RALYL: variants seen among roughly 807,000 people sequenced by gnomAD.
The protein encoded by RALYL is RALY RNA binding protein like, also known as RNA-binding Raly-like protein.
RALYL carries 29 observed loss-of-function variants against 35.1 expected under a neutral mutation model. The observed-to-expected ratio is 0.83, with a 90% CI of 0.61 to 1.13. The LOEUF is 1.13. Among genes scored for constraint, RALYL ranks in the 50% most tolerant of loss-of-function variants. RALYL has a pLI of 0.00. For synonymous variants in RALYL, 120 were observed against 127.6 expected (o/e 0.94, Z 0.40); for missense variants, 359 against 360.4 (o/e 1.00, Z 0.03).
chr8:84,255,264 T>C (rs765680220), intron 1 of RALYL, among the ~76,000 whole-genome samples: 2 of 152,104 alleles, frequency 1.3e-5, no homozygotes, highest in Non-Finnish European at 2.9e-5. Context: ...TTTCTTATAG[T>C]AAGAGTTACC....
In RALYL at chr8:84,383,933, T is replaced by C. The variant is rs186353150; in HGVS notation, c.-23-145366T>C. 9.2e-5 allele frequency among the ~76,000 whole-genome samples: 14 copies of C among 151,846 alleles called. No individual in the cohort carries two copies. In the East Asian group the frequency reaches 9.7e-4, roughly 11 times the overall value. On this transcript the variant is annotated intron_variant, in intron 1 of 8. Transcript: ENST00000521268. ...GAGATGATAGCCAGCCAGATACTTATATGAAAATATCTAAAAGGATAAAGA... is the reference window on the plus strand; with the variant it reads ...GAGATGATAGCCAGCCAGATACTTACATGAAAATATCTAAAAGGATAAAGA...
intron 1 of RALYL, among the ~76,000 whole-genome samples, chr8:84,348,777 A>G (rs1850322902): frequency 6.6e-6 from 1 of 151,204 alleles, no homozygotes; most frequent in South Asian, 2.1e-4. Flanking sequence ...TGTGAGGGAA[A>G]AGGATTATGG....
At chr8:84,751,790 C>T (rs1353972353) in intron 2 of RALYL, among the ~76,000 whole-genome samples, 1 of 152,160 alleles carries the variant, frequency 6.6e-6, no homozygotes, top group Non-Finnish European at 1.5e-5. Flanking sequence ...CCTGAGGCCT[C>T]CCAAGAAGCA....
intron 1 of RALYL, among the ~76,000 whole-genome samples, chr8:84,309,055 G>T (rs888784589): frequency 1.3e-5 from 2 of 151,540 alleles, no homozygotes; most frequent in African/African-American, 2.4e-5. Flanking sequence ...TACTAAATTT[G>T]CATGCAAGCA....
chr8:84,710,171 C>T (rs1367780431), intron 2 of RALYL, among the ~76,000 whole-genome samples: 1 of 152,154 alleles, frequency 6.6e-6, no homozygotes, highest in Non-Finnish European at 1.5e-5. Flanking sequence ...ATGGCCTTCA[C>T]CTGCACCTTC....
intron 7 of RALYL, among the ~76,000 whole-genome samples, chr8:84,880,966 T>A (rs1347663707): frequency 1.3e-5 from 2 of 151,948 alleles, no homozygotes; most frequent in Non-Finnish European, 2.9e-5. Flanking sequence ...TAAAACCTAT[T>A]AAATGGTTTT....
At chr8:84,492,762 G>C (rs757755642) in intron 1 of RALYL, among the ~76,000 whole-genome samples, 2 of 147,452 alleles carry the variant, frequency 1.4e-5, no homozygotes, top group Non-Finnish European at 1.5e-5. Flanking sequence ...TCTTTCAAAA[G>C]GTATTACATA....
chr8:84,869,059 C>T lies in RALYL; in HGVS notation c.572-4225C>T, dbSNP rs547519843. Among the ~76,000 whole-genome samples, 29 of 151,880 alleles carry T rather than the reference C, an allele frequency of 1.9e-4. No homozygotes were observed. In the East Asian group the frequency reaches 5.6e-3, roughly 29 times the overall value. ...GGGACAGATGGGAGCAGAGCGGAGG[C>T]GTTGAAGTGATCATGATAAAGAGTT... On this transcript the variant is annotated intron_variant, in intron 6 of 8. Transcript: ENST00000521268.
At chr8:84,832,661 C>T (rs745759831) in intron 4 of RALYL, among the ~76,000 whole-genome samples, 48 of 152,070 alleles carry the variant, frequency 3.2e-4, no homozygotes, top group Non-Finnish European at 5.1e-4. Flanking sequence ...CTAAATGTTA[C>T]ATTTTAACAA....
intron 1 of RALYL, among the ~76,000 whole-genome samples, chr8:84,312,903 T>C (rs1176288732): frequency 1.3e-5 from 2 of 152,202 alleles, no homozygotes; most frequent in Non-Finnish European, 2.9e-5. Flanking sequence ...GGATCCTGTG[T>C]GGGGACTCCA....
At chr8:84,399,922 G>A (rs2042722433) in intron 1 of RALYL, among the ~76,000 whole-genome samples, 1 of 152,184 alleles carries the variant, frequency 6.6e-6, no homozygotes, top group Admixed American at 6.5e-5. Context: ...TTCCAGACCA[G>A]CCTGGCCAAC....
intron 3 of RALYL, among the ~76,000 whole-genome samples, chr8:84,791,555 A>G (rs1227077818): frequency 2.6e-5 from 4 of 152,184 alleles, no homozygotes; most frequent in Non-Finnish European, 2.9e-5. Context: ...CCCATTAGCC[A>G]TATGTTGACA....
chr8:84,443,871 A>G (rs556887885), intron 1 of RALYL, among the ~76,000 whole-genome samples: 2 of 152,276 alleles, frequency 1.3e-5, no homozygotes, highest in African/African-American at 4.8e-5. Flanking sequence ...ACTCGATGAT[A>G]GCAACCTCCA....
At chr8:84,392,061 A>T (rs952362958) in intron 1 of RALYL, among the ~76,000 whole-genome samples, 3 of 152,096 alleles carry the variant, frequency 2.0e-5, no homozygotes, top group African/African-American at 7.2e-5. Context: ...GCAAGAACGC[A>T]CTTAAAAGTG....
chr8:84,632,188 A>G (rs1457326363), intron 2 of RALYL, among the ~76,000 whole-genome samples: 2 of 151,916 alleles, frequency 1.3e-5, no homozygotes, highest in South Asian at 2.1e-4. Flanking sequence ...ACCTCATAAG[A>G]CACAGAATCT....
chr8:84,877,501 T>C (rs185431148), intron 7 of RALYL, among the ~76,000 whole-genome samples: 1 of 151,424 alleles, frequency 6.6e-6, no homozygotes, highest in Non-Finnish European at 1.5e-5. Flanking sequence ...AATAAATATA[T>C]ATATATATAT....
In RALYL at chr8:84,529,394, A is replaced by G. The variant is rs1306084435; in HGVS notation, c.73A>G (p.Ile25Val). 2 of 1,611,502 alleles carry G rather than the reference A, an allele frequency of 1.2e-6. No individual in the cohort carries two copies. The highest frequency in any genetic ancestry group is 1.7e-5 in the Admixed American group (1 of 59,600). ...CAAGTCCATCAACTCCCGTGTTTTC[A>G]TCGGCAATCTAAATACGGCAATTGT... ...DPKSINSRVF[I>V]GNLNTAIVKK... The change falls in exon 2 of 9, where the codon ATC (isoleucine) becomes GTC (valine). Residue 25 changes from isoleucine to valine, a missense_variant. Coordinates refer to ENST00000521268, the MANE Select transcript of RALYL (RefSeq NM_173848.7).
intron 2 of RALYL, among the ~76,000 whole-genome samples, chr8:84,569,272 C>T (rs1161001246): frequency 6.6e-6 from 1 of 152,074 alleles, no homozygotes; most frequent in Admixed American, 6.6e-5. Flanking sequence ...ATATGGCTAG[C>T]CAGTTTTCCC....
At chr8:84,275,541 G>A (rs1835207139) in intron 1 of RALYL, among the ~76,000 whole-genome samples, 1 of 151,594 alleles carries the variant, frequency 6.6e-6, no homozygotes, top group African/African-American at 2.4e-5. Flanking sequence ...CCACTTTCAT[G>A]GTGAGAACCC....
Sources: gnomAD v4.1 joint callset for allele counts (sites outside exome capture counted in the v4.1 genomes callset) on GRCh38, gnomAD v4.1.1 for gene constraint, MANE v1.5 for transcripts, NCBI Gene and HGNC (gene_info 2026-07-23, HGNC 2026-07-21) for gene names.